Variants in ZFAT observed in about 807,000 individuals in gnomAD.
ZFAT encodes the protein zinc finger protein ZFAT.
ZFAT carries 64 observed loss-of-function variants against 117.7 expected under a neutral mutation model. The observed-to-expected ratio is 0.54, with a 90% CI of 0.44 to 0.67. The LOEUF is 0.67. Among genes scored for constraint, ZFAT ranks in the 30% least tolerant of loss-of-function variants. The probability of loss-of-function intolerance (pLI) is 0.00; values close to 1 mark genes in which losing one functional copy is unlikely to be tolerated. For missense variants in ZFAT, 1,433 were observed against 1,584.5 expected (o/e 0.90, Z 1.62); for synonymous variants, 679 against 615.0 (o/e 1.10, Z -1.54).
At chr8:134,584,129 G>A (rs1414928802) in intron 9 of ZFAT, 124 bp from the exon 10 acceptor site, 29 of 1,089,928 alleles carry the variant, frequency 2.7e-5, no homozygotes, top group East Asian at 5.2e-5. Context: ...TAAAACATCC[G>A]TTTTGAACAC....
intron 13 of ZFAT, among the ~76,000 whole-genome samples, chr8:134,520,484 C>T (rs962955116): frequency 2.0e-5 from 3 of 151,904 alleles, no homozygotes; most frequent in African/African-American, 7.3e-5. Flanking sequence ...GAGCTCTCCA[C>T]AGAAAGAGAG....
upstream of ZFAT, among the ~76,000 whole-genome samples, chr8:134,715,650 A>T (rs138806463): frequency 1.3e-5 from 2 of 152,346 alleles, no homozygotes; most frequent in East Asian, 3.9e-4. Context: ...GAAAGTATAT[A>T]ATTAATGGCA....
intron 1 of ZFAT, among the ~76,000 whole-genome samples, chr8:134,703,917 T>C (rs1214261200): frequency 6.6e-6 from 1 of 152,058 alleles, no homozygotes; most frequent in Non-Finnish European, 1.5e-5. Context: ...AAAAAACAGA[T>C]GGTGGAAAAG....
At chr8:134,744,056 T>C in the ZFAT span, among the ~76,000 whole-genome samples, 1 of 152,198 alleles carries the variant, frequency 6.6e-6, no homozygotes, top group Non-Finnish European at 1.5e-5. Context: ...AAATTTATTA[T>C]CTCACACTTT....
At chr8:134,738,084 C>T in the ZFAT span, among the ~76,000 whole-genome samples, 1 of 152,168 alleles carries the variant, frequency 6.6e-6, no homozygotes, top group African/African-American at 2.4e-5. Context: ...ATCTCAGTTC[C>T]TGTAGTCTAG....
chr8:134,713,777 T>C (rs944582932), upstream of ZFAT, among the ~76,000 whole-genome samples: 3 of 152,062 alleles, frequency 2.0e-5, no homozygotes, highest in South Asian at 4.2e-4. Context: ...TCAAATGATA[T>C]CTTCCAGCCC....
the ZFAT span, among the ~76,000 whole-genome samples, chr8:134,818,881 T>G: frequency 2.0e-5 from 3 of 152,142 alleles, no homozygotes; most frequent in Admixed American, 2.0e-4. Context: ...CATGCCAATG[T>G]AAAGTAAAAG....
the ZFAT span, among the ~76,000 whole-genome samples, chr8:134,776,801 C>T: frequency 4.6e-5 from 7 of 152,148 alleles, no homozygotes; most frequent in Admixed American, 2.0e-4. Flanking sequence ...ATGTGTTTTC[C>T]CACACCCATT....
chr8:134,819,017 TA>T, the ZFAT span, among the ~76,000 whole-genome samples: 1 of 152,200 alleles, frequency 6.6e-6, no homozygotes, highest in Non-Finnish European at 1.5e-5. Context: ...CGTCAAAACT[TA>T]ACAAACTGCA....
chr8:134,593,094 G>C (rs1375053957), intron 7 of ZFAT, among the ~76,000 whole-genome samples: 1 of 151,988 alleles, frequency 6.6e-6, no homozygotes. Flanking sequence ...GATGCCCCGG[G>C]TCAGGCGGGC....
At chr8:134,701,757 A>G (rs1006670873) in intron 1 of ZFAT, among the ~76,000 whole-genome samples, 1 of 152,202 alleles carries the variant, frequency 6.6e-6, no homozygotes, top group Non-Finnish European at 1.5e-5. Flanking sequence ...TTTCATTGCC[A>G]AGTAGTATTC....
intron 2 of ZFAT, among the ~76,000 whole-genome samples, chr8:134,651,925 A>G (rs1005455053): frequency 2.0e-5 from 3 of 152,140 alleles, no homozygotes; most frequent in African/African-American, 7.2e-5. Context: ...CCTAACAACA[A>G]TAAAAGCCAG....
At chr8:134,542,946 C>A (rs891083270) in intron 11 of ZFAT, among the ~76,000 whole-genome samples, 2 of 151,522 alleles carry the variant, frequency 1.3e-5, no homozygotes, top group Non-Finnish European at 2.9e-5. Context: ...GCAGTTACTG[C>A]ACAGAAGAAG....
intron 11 of ZFAT, among the ~76,000 whole-genome samples, chr8:134,534,655 A>T (rs1251899250): frequency 6.9e-6 from 1 of 144,470 alleles, no homozygotes; most frequent in Non-Finnish European, 1.5e-5. Flanking sequence ...GAGAGGGAGA[A>T]AGGGAGACAA....
chr8:134,756,175 C>G, the ZFAT span, among the ~76,000 whole-genome samples: 1 of 152,218 alleles, frequency 6.6e-6, no homozygotes, highest in Non-Finnish European at 1.5e-5. Flanking sequence ...TGGCATAAGC[C>G]TCAGTGAGCT....
the ZFAT span, among the ~76,000 whole-genome samples, chr8:134,736,249 C>T: frequency 6.6e-6 from 1 of 152,154 alleles, no homozygotes; most frequent in African/African-American, 2.4e-5. Context: ...CCCCAGCAAC[C>T]TACTGCAGGT....
intron 10 of ZFAT, among the ~76,000 whole-genome samples, chr8:134,567,163 A>G (rs1824526867): frequency 1.3e-5 from 2 of 152,162 alleles, no homozygotes; most frequent in Admixed American, 1.3e-4. Context: ...AAATGTCCTA[A>G]GCTGGACACA....
chr8:134,576,626 G>A (rs771348935), intron 10 of ZFAT, among the ~76,000 whole-genome samples: 21 of 152,220 alleles, frequency 1.4e-4, no homozygotes, highest in Non-Finnish European at 2.1e-4. Context: ...AAAAGGCCAT[G>A]GAGCTACTTT....
In ZFAT at chr8:134,610,532, T is replaced by C. The variant is rs1165357308; in HGVS notation, c.572A>G (p.Gln191Arg). Residue 191 changes from glutamine to arginine, a missense_variant, in exon 4 of 16, where the codon CAG (glutamine) becomes CGG (arginine). Physicochemically the swap from Gln to Arg is conservative, Grantham distance 43. Around this residue, in one of 5 missense-constraint regions of ZFAT, gnomAD observed 436 missense variants for 482.0 expected, o/e 0.90. Coordinates refer to ENST00000377838, the MANE Select transcript of ZFAT (RefSeq NM_020863.4). ...GATGGGTTTCTTCGCCCCAGAAAGCTGTCTGGCCTCCTTTCCTGAGATCTT... is the reference window on the plus strand; with the variant it reads ...GATGGGTTTCTTCGCCCCAGAAAGCCGTCTGGCCTCCTTTCCTGAGATCTT... ...VQKISGKEAR[Q>R]LSGAKKPIIS... is the part of the protein sequence containing the mutation. The C allele has an allele frequency of 6.2e-7, 1 of 1,614,214 alleles. No individual in the cohort carries two copies. The highest frequency in any genetic ancestry group is 2.2e-5 in the East Asian group (1 of 44,876).
Sources: gnomAD v4.1 joint callset for allele counts (sites outside exome capture counted in the v4.1 genomes callset) on GRCh38, gnomAD v4.1.1 for gene constraint, gnomAD v4.1.1 regional missense constraint, MANE v1.5 for transcripts, NCBI Gene and HGNC (gene_info 2026-07-23, HGNC 2026-07-21) for gene names.